Variants in PRKG1 observed in about 807,000 individuals in gnomAD.
PRKG1 encodes the protein protein kinase cGMP-dependent 1.
In PRKG1, 35 loss-of-function variants were observed where a neutral mutation model predicts 88.1. That is an observed-to-expected ratio of 0.40 (90% CI 0.30 to 0.53). The LOEUF is 0.53. Among genes scored for constraint, PRKG1 ranks in the 20% least tolerant of loss-of-function variants. The pLI is 0.59. For missense variants in PRKG1, 540 were observed against 839.8 expected (o/e 0.64, Z 4.41); for synonymous variants, 303 against 292.5 (o/e 1.04, Z -0.37).
intron 1 of PRKG1, among the ~76,000 whole-genome samples, chr10:51,061,029 A>G (rs993857121): frequency 7.2e-6 from 1 of 138,016 alleles, no homozygotes; most frequent in Non-Finnish European, 1.5e-5. Context: ...TCTGTTTTTC[A>G]TTGTAACAGT....
intron 3 of PRKG1, among the ~76,000 whole-genome samples, chr10:51,606,269 C>T (rs1838764197): frequency 2.0e-5 from 3 of 152,142 alleles, no homozygotes. Context: ...CTAGCAACTA[C>T]ATAAAGACAA....
At chr10:51,151,569 GT>G (rs11326259) in intron 1 of PRKG1, among the ~76,000 whole-genome samples, 87,733 of 146,076 alleles carry the variant, frequency 0.6, 26,294 homozygotes, top group African/African-American at 0.72. Flanking sequence ...TTTTGTTTTT[GT>G]TTTTTTTTTT....
chr10:51,390,622 T>C (rs1275711990), intron 2 of PRKG1, among the ~76,000 whole-genome samples: 1 of 152,212 alleles, frequency 6.6e-6, no homozygotes, highest in African/African-American at 2.4e-5. Flanking sequence ...TACATTAGTA[T>C]ACCTAAAGTC....
intron 3 of PRKG1, among the ~76,000 whole-genome samples, chr10:51,710,713 TATC>T (rs1392109499): frequency 7.9e-5 from 12 of 152,370 alleles, no homozygotes; most frequent in Admixed American, 1.3e-4. Context: ...TAAATTTAAA[TATC>T]ATTGTGCTTT....
chr10:51,140,541 T>C (rs530455014), intron 1 of PRKG1, among the ~76,000 whole-genome samples: 1 of 152,276 alleles, frequency 6.6e-6, no homozygotes, highest in South Asian at 2.1e-4. Flanking sequence ...TTAACTAACA[T>C]GACTGATTTG....
At chr10:51,538,343 G>A (rs534015148) in intron 3 of PRKG1, among the ~76,000 whole-genome samples, 4 of 132,968 alleles carry the variant, frequency 3.0e-5, no homozygotes, top group Admixed American at 7.4e-5. Context: ...TGAACATTAT[G>A]TATATTATGA....
At chr10:52,188,813 T>C (rs2132749274) in intron 9 of PRKG1, among the ~76,000 whole-genome samples, 1 of 152,212 alleles carries the variant, frequency 6.6e-6, no homozygotes, top group East Asian at 1.9e-4. Context: ...TATAAGCACA[T>C]ATCAATCTAG....
intron 3 of PRKG1, among the ~76,000 whole-genome samples, chr10:51,590,222 T>C (rs777137772): frequency 3.3e-5 from 5 of 152,162 alleles, no homozygotes; most frequent in Non-Finnish European, 5.9e-5. Flanking sequence ...CAGATTTTAG[T>C]TGGAAAGCAG....
At position 52,290,179 on chromosome 10, in the gene PRKG1, T is replaced by C. The variant is rs78624505; in HGVS notation, c.1896-45T>C. The C allele has an allele frequency of 2.1e-3, 3,265 of 1,561,660 alleles. 5 individuals are homozygous for C. Among genetic ancestry groups the C allele is most frequent in the Non-Finnish European group, 2.4e-3 (2,727 of 1,134,840 alleles). On this transcript the variant is annotated intron_variant, in intron 16 of 17. Coordinates refer to ENST00000373980, the MANE Select transcript of PRKG1 (RefSeq NM_006258.4). ...TTGTATACACTGCAATGAGAAGCTT[T>C]TAGCTGACACAAAATGTTTTTATCA...
At chr10:51,690,629 GA>G (rs1841111964) in intron 3 of PRKG1, among the ~76,000 whole-genome samples, 1 of 152,004 alleles carries the variant, frequency 6.6e-6, no homozygotes, top group African/African-American at 2.4e-5. Flanking sequence ...AACAGATAAA[GA>G]AATTAAAGAA....
At chr10:51,723,967 G>A (rs1353084633) in intron 3 of PRKG1, among the ~76,000 whole-genome samples, 3 of 152,136 alleles carry the variant, frequency 2.0e-5, no homozygotes, top group Non-Finnish European at 4.4e-5. Context: ...CTTAATTTTA[G>A]GTGCCAACTT....
At chr10:52,115,618 C>G (rs144271567) in intron 7 of PRKG1, among the ~76,000 whole-genome samples, 1 of 152,274 alleles carries the variant, frequency 6.6e-6, no homozygotes, top group African/African-American at 2.4e-5. Context: ...CTCACTCCAT[C>G]TCATAGTCAG....
intron 4 of PRKG1, among the ~76,000 whole-genome samples, chr10:51,897,556 A>G (rs1388300975): frequency 6.6e-6 from 1 of 152,156 alleles, no homozygotes; most frequent in African/African-American, 2.4e-5. Flanking sequence ...AAAATATCAA[A>G]CCCTTTATTA....
chr10:51,034,385 T>A (rs1288911552), intron 1 of PRKG1, among the ~76,000 whole-genome samples: 1 of 151,976 alleles, frequency 6.6e-6, no homozygotes, highest in Admixed American at 6.6e-5. Context: ...CAGAATATTA[T>A]CATGCACTTC....
intron 3 of PRKG1, among the ~76,000 whole-genome samples, chr10:51,668,929 C>T (rs1472673805): frequency 6.6e-6 from 1 of 152,104 alleles, no homozygotes; most frequent in East Asian, 1.9e-4. Flanking sequence ...CTTACATGTA[C>T]ATCATTTCAT....
At chr10:51,860,690 G>T (rs983973625) in intron 4 of PRKG1, among the ~76,000 whole-genome samples, 1 of 152,154 alleles carries the variant, frequency 6.6e-6, no homozygotes, top group African/African-American at 2.4e-5. Flanking sequence ...GAGGGATGAT[G>T]TATTTGTGGA....
At chr10:52,040,016 G>T (rs1845716926) in intron 5 of PRKG1, among the ~76,000 whole-genome samples, 1 of 152,160 alleles carries the variant, frequency 6.6e-6, no homozygotes, top group Non-Finnish European at 1.5e-5. Flanking sequence ...ATCCTCCAAT[G>T]TGTGAGGAGC....
intron 3 of PRKG1, among the ~76,000 whole-genome samples, chr10:51,699,779 A>G (rs763354139): frequency 6.6e-6 from 1 of 152,190 alleles, no homozygotes; most frequent in Non-Finnish European, 1.5e-5. Flanking sequence ...ACAGAGTCGC[A>G]TGATTCCTTT....
At chr10:51,911,050 CCTT>C (rs971014102) in intron 5 of PRKG1, 4 of 152,134 alleles carry the variant, frequency 2.6e-5, no homozygotes, top group Admixed American at 1.3e-4. Flanking sequence ...TTACTGGTCT[CCTT>C]CATCTATGTG....
Sources: allele counts gnomAD v4.1 joint callset (sites outside exome capture counted in the v4.1 genomes callset), GRCh38; gene constraint gnomAD v4.1.1; transcripts MANE v1.5; gene names NCBI Gene and HGNC (gene_info 2026-07-23, HGNC 2026-07-21).